TANC1: variants seen among roughly 807,000 people sequenced by gnomAD.
TANC1 encodes the protein protein TANC1.
Under a neutral mutation model 149.7 loss-of-function variants are expected in TANC1, and 77 were observed. The observed-to-expected ratio is 0.51, with a 90% CI of 0.43 to 0.62. TANC1 has a LOEUF of 0.62. TANC1 is among the 20% of genes least tolerant of loss of function. The pLI is 0.00. For missense variants in TANC1, 1,985 were observed against 2,321.8 expected, an observed-to-expected ratio of 0.85 and a Z score of 2.98; for synonymous variants, 854 against 925.0, an observed-to-expected ratio of 0.92 and a Z score of 1.39.
intron 4 of TANC1, among the ~76,000 whole-genome samples, chr2:159,120,396 C>T (rs532485666): frequency 1.3e-4 from 19 of 151,534 alleles, no homozygotes; most frequent in Non-Finnish European, 2.1e-4. Context: ...TCTTGAACTT[C>T]CATTGAGTAT....
At chr2:159,149,048 TC>T in intron 5 of TANC1, 93 bp from the exon 6 acceptor site, 2 of 1,407,888 alleles carry the variant, frequency 1.4e-6, no homozygotes, top group East Asian at 4.6e-5. Context: ...ACACACAAAA[TC>T]ACCAGACAAA....
intron 19 of TANC1, among the ~76,000 whole-genome samples, chr2:159,212,794 G>A (rs1428135189): frequency 6.6e-6 from 1 of 151,968 alleles, no homozygotes; most frequent in East Asian, 1.9e-4. Context: ...GGTGGCACAT[G>A]CTGTAATCCT....
chr2:159,107,309 G>T (rs975299857), intron 4 of TANC1, among the ~76,000 whole-genome samples: 10 of 152,228 alleles, frequency 6.6e-5, no homozygotes, highest in African/African-American at 2.4e-4. Context: ...TTACAGGCGT[G>T]AGCCACCATG....
intron 7 of TANC1, among the ~76,000 whole-genome samples, chr2:159,162,386 C>T (rs1189617543): frequency 3.9e-5 from 6 of 152,076 alleles, no homozygotes; most frequent in Admixed American, 6.5e-5. Context: ...TTCTCAAGGA[C>T]GCAGCCAGCG....
intron 2 of TANC1, among the ~76,000 whole-genome samples, chr2:159,017,315 ATAT>A (rs1179813624): frequency 6.6e-6 from 1 of 151,464 alleles, no homozygotes; most frequent in African/African-American, 2.5e-5. Context: ...AAGATAAAAG[ATAT>A]TATATTCTCT....
chr2:158,972,245 T>A (rs2032995299), intron 1 of TANC1, among the ~76,000 whole-genome samples: 1 of 152,234 alleles, frequency 6.6e-6, no homozygotes, highest in South Asian at 2.1e-4. Context: ...CTCAAATCTG[T>A]ACCTCTTTTT....
intron 17 of TANC1, among the ~76,000 whole-genome samples, chr2:159,196,222 A>G (rs1352015439): frequency 2.0e-5 from 3 of 152,152 alleles, no homozygotes; most frequent in Non-Finnish European, 4.4e-5. Context: ...TTCAAATTAT[A>G]GCTTGTCACA....
chr2:159,073,963 G>C (rs1395207280), intron 3 of TANC1, among the ~76,000 whole-genome samples: 1 of 152,192 alleles, frequency 6.6e-6, no homozygotes, highest in African/African-American at 2.4e-5. Flanking sequence ...TAAGGGGATG[G>C]TGTGTTTACC....
At chr2:159,224,180 G>A (rs200432835) in intron 22 of TANC1, 52 bp from the exon 23 acceptor site, 746 of 1,607,012 alleles carry the variant, frequency 4.6e-4, no homozygotes, top group Non-Finnish European at 6.0e-4. Context: ...ATCCGTGTGC[G>A]CCCCTGAACT....
rs367646360 is a variant in TANC1, at chr2:159,224,400, G to A, written c.3811+36G>A. The A allele has an allele frequency of 6.0e-5, 97 of 1,613,084 alleles. No homozygotes were observed. In the African/African-American group the frequency reaches 9.5e-4, roughly 16 times the overall value. On this transcript the variant is annotated intron_variant, in intron 23 of 26. Transcript: ENST00000263635. ...ACTGCCTCCATTGAGCAGGAGGAGCGGTGAGCTCCCGATTGTAGAAGCCTA... is the reference window on the plus strand; with the variant it reads ...ACTGCCTCCATTGAGCAGGAGGAGCAGTGAGCTCCCGATTGTAGAAGCCTA...
At chr2:159,023,057 G>A (rs1010599011) in intron 2 of TANC1, among the ~76,000 whole-genome samples, 7 of 152,102 alleles carry the variant, frequency 4.6e-5, no homozygotes, top group African/African-American at 1.4e-4. Context: ...TTACATAATG[G>A]GATGAGTGGC....
At chr2:159,205,010 T>C (rs1410359479) in intron 19 of TANC1, among the ~76,000 whole-genome samples, 1 of 152,218 alleles carries the variant, frequency 6.6e-6, no homozygotes, top group African/African-American at 2.4e-5. Flanking sequence ...TCCCTCTGGA[T>C]CTTGAGCCTC....
At chr2:159,208,321 G>A (rs1467954385) in intron 19 of TANC1, among the ~76,000 whole-genome samples, 1 of 152,212 alleles carries the variant, frequency 6.6e-6, no homozygotes, top group Non-Finnish European at 1.5e-5. Context: ...AATTACTTTG[G>A]AAGATGGAGT....
At chr2:158,978,186 T>C (rs1352256578) in intron 1 of TANC1, among the ~76,000 whole-genome samples, 1 of 152,156 alleles carries the variant, frequency 6.6e-6, no homozygotes, top group Admixed American at 6.5e-5. Context: ...GTTTCTCCTT[T>C]GGGAGAAAGG....
chr2:159,191,673 C>T (rs1427001677), intron 16 of TANC1, among the ~76,000 whole-genome samples: 1 of 152,078 alleles, frequency 6.6e-6, no homozygotes, highest in Non-Finnish European at 1.5e-5. Flanking sequence ...GTCACTATGC[C>T]ATTGTGAGTT....
intron 19 of TANC1, among the ~76,000 whole-genome samples, chr2:159,202,113 G>C (rs766941999): frequency 2.0e-5 from 3 of 152,192 alleles, no homozygotes; most frequent in Non-Finnish European, 4.4e-5. Flanking sequence ...TTGGGTTCTT[G>C]GTTAAGAATG....
chr2:159,034,569 A>G lies in TANC1; in HGVS notation c.-15-31327A>G, dbSNP rs550816416. The stretch of plus-strand genomic sequence containing the variant: ...GGGCCATGGGATGGAAAACCACCTC[A>G]GGGCGGTTGATAGTGTAACAGTACT... On this transcript the variant is annotated intron_variant, in intron 2 of 26. Coordinates refer to ENST00000263635, the MANE Select transcript of TANC1 (RefSeq NM_033394.3). 2.0e-5 allele frequency among the ~76,000 whole-genome samples: 3 copies of G among 152,312 alleles called. No homozygotes were observed. The South Asian group carries it at 6.2e-4, about 32-fold the overall frequency.
At chr2:159,003,901 T>G (rs1281507428) in intron 2 of TANC1, 1 of 1,612,724 alleles carries the variant, frequency 6.2e-7, no homozygotes, top group Non-Finnish European at 8.5e-7. Context: ...GGGGCAAGGA[T>G]ACAGCTCGCA....
chr2:158,975,178 T>A (rs12997346), intron 1 of TANC1, among the ~76,000 whole-genome samples: 1 of 152,144 alleles, frequency 6.6e-6, no homozygotes, highest in South Asian at 2.1e-4. Context: ...TATTTTATTG[T>A]GTTTATTGTA....
Sources: allele counts gnomAD v4.1 joint callset (sites outside exome capture counted in the v4.1 genomes callset), GRCh38; gene constraint gnomAD v4.1.1; transcripts MANE v1.5; gene names NCBI Gene and HGNC (gene_info 2026-07-23, HGNC 2026-07-21).